Variants in PCDH7 observed in about 807,000 individuals in gnomAD.
PCDH7 encodes protocadherin-7.
In PCDH7, 17 loss-of-function variants were observed where a neutral mutation model predicts 58.9. The ratio of observed to expected loss-of-function variants is 0.29; its 90% confidence interval spans 0.20 to 0.43. The LOEUF (loss-of-function observed/expected upper bound fraction) is 0.43. PCDH7 is among the 20% of genes least tolerant of loss of function. The pLI, the probability that PCDH7 is intolerant of heterozygous loss-of-function variation, is 1.00. For missense variants in PCDH7, 1,274 were observed against 1,441.0 expected (o/e 0.88, Z 1.88); for synonymous variants, 664 against 616.4 (o/e 1.08, Z -1.14).
At chr4:31,019,995 T>C (rs886132035) in intron 3 of PCDH7, among the ~76,000 whole-genome samples, 3 of 152,116 alleles carry the variant, frequency 2.0e-5, no homozygotes, top group African/African-American at 7.2e-5. Flanking sequence ...ATGAAGTAAG[T>C]GGCTTGTTAT....
rs759257569 is a variant in PCDH7 at position 30,722,225 on chromosome 4, G to A, written c.803G>A (p.Arg268His). ...CTGATCGTGAAGGGGGCGCTGGACC[G>A]CGAGCAGCGCGACTCCTACGAGCTG... The change falls in exon 1 of 2, where the codon CGC becomes CAC. Residue 268 changes from arginine (R) to histidine (H), a missense_variant. Physicochemically the swap from Arg to His is conservative, Grantham distance 29. Around this residue, in one of 3 missense-constraint regions of PCDH7, gnomAD observed 331 missense variants for 303.2 expected, o/e 1.09. Coordinates refer to ENST00000361762, the Ensembl canonical transcript of PCDH7. The surrounding 1 kb of genome is among the most constrained non-coding windows in gnomAD (Gnocchi z 7.6). The A allele has an allele frequency of 5.7e-6, 9 of 1,590,954 alleles. No homozygotes were observed. The highest frequency in any genetic ancestry group is 1.8e-5 in the Admixed American group (1 of 56,912).
At chr4:31,059,964 C>G (rs1037014285) in intron 3 of PCDH7, among the ~76,000 whole-genome samples, 1 of 151,632 alleles carries the variant, frequency 6.6e-6, no homozygotes, top group Non-Finnish European at 1.5e-5. Flanking sequence ...CATAAAATTA[C>G]ACAATTATTG....
intron 1 of PCDH7, among the ~76,000 whole-genome samples, chr4:30,774,782 A>G (rs1467401050): frequency 6.6e-6 from 1 of 152,194 alleles, no homozygotes; most frequent in Non-Finnish European, 1.5e-5. Flanking sequence ...AGAGGCCGTC[A>G]TTCTCCTGTT....
At chr4:31,017,457 A>G (rs1002912611) in intron 3 of PCDH7, among the ~76,000 whole-genome samples, 12 of 152,178 alleles carry the variant, frequency 7.9e-5, no homozygotes, top group Non-Finnish European at 1.5e-4. Flanking sequence ...CCTGCACATA[A>G]TGCCTAACAG....
At position 31,044,689 on chromosome 4, in the gene PCDH7, G is replaced by C. The variant is rs554629951; in HGVS notation, c.*7+94474G>C. Among the ~76,000 whole-genome samples, 120 of 152,136 alleles carry C rather than the reference G, an allele frequency of 7.9e-4. 1 individual carries two copies. The highest frequency in any genetic ancestry group is 2.7e-3 in the African/African-American group (113 of 41,546). On this transcript the variant is annotated intron_variant, in intron 3 of 3. Coordinates refer to the PCDH7 transcript ENST00000509759. ...AGCAGTGAAACAGACAAAAATGTGA[G>C]TGTTGTTAGTAATATAATTTGGTGT...
chr4:31,008,288 A>G (rs967758108), intron 3 of PCDH7, among the ~76,000 whole-genome samples: 1 of 152,198 alleles, frequency 6.6e-6, no homozygotes, highest in Non-Finnish European at 1.5e-5. Context: ...TACTTGGACA[A>G]AAACAATTTG....
At chr4:30,776,129 A>G (rs1722038893) in intron 1 of PCDH7, 2 of 152,200 alleles carry the variant, frequency 1.3e-5, no homozygotes, top group Admixed American at 6.5e-5. Flanking sequence ...TGCATTGAAG[A>G]TAACATTTTG....
At chr4:30,933,525 A>G (rs1744949676) in intron 2 of PCDH7, among the ~76,000 whole-genome samples, 2 of 152,130 alleles carry the variant, frequency 1.3e-5, no homozygotes, top group African/African-American at 4.8e-5. Flanking sequence ...AGGGTCATCT[A>G]TTAAGGATTT....
At chr4:30,804,534 T>TAAAA (rs200449475) in intron 1 of PCDH7, among the ~76,000 whole-genome samples, 1 of 125,836 alleles carries the variant, frequency 7.9e-6, no homozygotes, top group Admixed American at 8.2e-5. Flanking sequence ...CAAGACTATC[T>TAAAA]AAAAAAAAAA....
In PCDH7 at chr4:31,097,610, ATATATATATATATATATATATATAT is replaced by A. The variant is rs1387889766; in HGVS notation, c.*8-44862_*8-44838del. Among the ~76,000 whole-genome samples the A allele has an allele frequency of 8.0e-4, 26 of 32,308 alleles. 2 individuals are homozygous for A. Among genetic ancestry groups the A allele is most frequent in the African/African-American group, 2.0e-3 (7 of 3,468 alleles). 21.2% of individuals were successfully genotyped at this position (32,308 alleles called of 152,430 possible). A position where few individuals can be genotyped will look rare whatever the true frequency, so the allele number is the denominator to read the frequency against. On this transcript the variant is annotated intron_variant, in intron 3 of 3. Coordinates refer to the PCDH7 transcript ENST00000509759. ...TACATATATATATATATATATATAT[ATATATATATATATATATATATATAT>A]ATAAATCTTTTTTCTGTAATTTCTG...
intron 1 of PCDH7, among the ~76,000 whole-genome samples, chr4:30,771,398 G>A (rs1721378720): frequency 6.6e-6 from 1 of 152,142 alleles, no homozygotes; most frequent in South Asian, 2.1e-4. Flanking sequence ...ATTTGGCTGT[G>A]CCCACCTTCA....
chr4:30,970,243 G>T (rs536354309), intron 3 of PCDH7, among the ~76,000 whole-genome samples: 84 of 152,048 alleles, frequency 5.5e-4, no homozygotes, highest in African/African-American at 2.0e-3. Flanking sequence ...GTGACAAAGT[G>T]ATAGTTTTGC....
At chr4:31,089,552 T>C (rs191881804) in intron 3 of PCDH7, among the ~76,000 whole-genome samples, 5 of 152,222 alleles carry the variant, frequency 3.3e-5, no homozygotes, top group Non-Finnish European at 7.4e-5. Context: ...GCTGTTTATA[T>C]AGATATAAAA....
chr4:30,859,860 C>A (rs1733976405), intron 1 of PCDH7, among the ~76,000 whole-genome samples: 1 of 152,106 alleles, frequency 6.6e-6, no homozygotes, highest in Non-Finnish European at 1.5e-5. Context: ...AGTGTAAAGA[C>A]TGAGTGAAGC....
chr4:31,032,699 G>A (rs190371260), intron 3 of PCDH7, among the ~76,000 whole-genome samples: 8 of 127,396 alleles, frequency 6.3e-5, no homozygotes, highest in Non-Finnish European at 1.2e-4. Flanking sequence ...AGGGAGGGAG[G>A]GAGGGAGAGA....
At chr4:31,046,375 A>G (rs1241768367) in intron 3 of PCDH7, among the ~76,000 whole-genome samples, 1 of 151,924 alleles carries the variant, frequency 6.6e-6, no homozygotes, top group Non-Finnish European at 1.5e-5. Flanking sequence ...TGGACCAATG[A>G]CTTCTCTTCT....
chr4:31,061,772 T>G (rs1757708339), intron 3 of PCDH7, among the ~76,000 whole-genome samples: 1 of 151,700 alleles, frequency 6.6e-6, no homozygotes, highest in Non-Finnish European at 1.5e-5. Flanking sequence ...GAAAGTGAAA[T>G]TTTTACTGAT....
At chr4:30,984,657 T>G (rs528496092) in intron 3 of PCDH7, among the ~76,000 whole-genome samples, 4 of 152,032 alleles carry the variant, frequency 2.6e-5, no homozygotes, top group Admixed American at 2.6e-4. Context: ...TTCCCAAAAT[T>G]TGTGTGTTCT....
chr4:30,943,882 C>T (rs548744334), intron 2 of PCDH7, among the ~76,000 whole-genome samples: 25 of 152,078 alleles, frequency 1.6e-4, no homozygotes, highest in African/African-American at 5.8e-4. Context: ...GGAACTGTTG[C>T]TCACCACCTC....
Sources: gnomAD v4.1 joint callset for allele counts (sites outside exome capture counted in the v4.1 genomes callset) on GRCh38, gnomAD v4.1.1 for gene constraint, gnomAD v4.1.1 regional missense constraint, Gnocchi (gnomAD v3.1) non-coding constraint, MANE v1.5 for transcripts, NCBI Gene and HGNC (gene_info 2026-07-23, HGNC 2026-07-21) for gene names.